Variants in GOLGA3 observed in about 807,000 individuals in gnomAD.
GOLGA3 encodes golgin A3.
In GOLGA3, 75 loss-of-function variants were observed where a neutral mutation model predicts 169.4. The observed-to-expected ratio is 0.44, with a 90% confidence interval of 0.37 to 0.54. GOLGA3 has a LOEUF of 0.54. Among genes scored for constraint, GOLGA3 ranks in the 20% least tolerant of loss-of-function variants. The pLI, the probability that GOLGA3 is intolerant of heterozygous loss-of-function variation, is 0.00. For missense variants in GOLGA3, 1,899 were observed against 1,930.0 expected (o/e 0.98, Z 0.30); for synonymous variants, 824 against 822.4 (o/e 1.00, Z -0.03).
At chr12:132,815,716 T>C (rs114102339) in intron 3 of GOLGA3, among the ~76,000 whole-genome samples, 4 of 151,614 alleles carry the variant, frequency 2.6e-5, no homozygotes, top group African/African-American at 9.7e-5. Flanking sequence ...GGAAACATGG[T>C]GAGACCCCGT....
At chr12:132,787,429 C>A (rs2045955025) in intron 13 of GOLGA3, among the ~76,000 whole-genome samples, 1 of 149,672 alleles carries the variant, frequency 6.7e-6, no homozygotes, top group Non-Finnish European at 1.5e-5. Flanking sequence ...GGCCTAGGAC[C>A]CCTCCTCAAG....
At chr12:132,807,036 A>G (rs1398091458) in intron 6 of GOLGA3, 141 bp downstream of exon 6, 1 of 563,616 alleles carries the variant, frequency 1.8e-6, no homozygotes, top group Non-Finnish European at 3.2e-6. Flanking sequence ...CAAAAAACGT[A>G]AAGATGCAGA....
At chr12:132,806,126 C>T (rs1349679556) in intron 6 of GOLGA3, among the ~76,000 whole-genome samples, 4 of 152,188 alleles carry the variant, frequency 2.6e-5, no homozygotes, top group East Asian at 1.9e-4. Flanking sequence ...CAACAAACAC[C>T]CAAAGCAATT....
intron 9 of GOLGA3, 21 bp downstream of exon 9, chr12:132,798,319 C>T (rs77330849): frequency 0.12 from 190,022 of 1,588,174 alleles, 12,396 homozygotes; most frequent in East Asian, 0.14. Flanking sequence ...TAAGCTTCCA[C>T]GGCCCCGGCC....
intron 18 of GOLGA3, among the ~76,000 whole-genome samples, chr12:132,778,549 C>T (rs538722190): frequency 2.0e-5 from 3 of 149,478 alleles, no homozygotes; most frequent in South Asian, 4.3e-4. Context: ...CCGGCCTGGG[C>T]GACAGAGCGA....
chr12:132,809,665 C>T (rs1479451354), intron 4 of GOLGA3, among the ~76,000 whole-genome samples: 1 of 152,184 alleles, frequency 6.6e-6, no homozygotes, highest in Non-Finnish European at 1.5e-5. Context: ...GCTCCTATCT[C>T]TGTATGGCCT....
In GOLGA3 at chr12:132,780,841, G is replaced by T; in HGVS notation, c.3539C>A (p.Ser1180Ter). 6.2e-7 allele frequency: 1 copy of T among 1,612,258 alleles called. No homozygotes were observed. ...CACCTTCTCCTTCTCCTTCTCTAGT[G>T]AGGCCTGCAGGGCCTGGACAAGATG... is the stretch of plus-strand genomic sequence containing the variant. ...MKHLVQALQA[S>*]LEKEKEKVNS... Residue 1180 changes from serine to a stop codon, truncating the protein, a stop_gained, in exon 18 of 24, where the codon TCA (serine) becomes TAA (stop). Coordinates refer to ENST00000450791, the MANE Select transcript of GOLGA3 (RefSeq NM_001389683.1). LOFTEE classifies it high-confidence loss of function.
At chr12:132,826,630 G>C (rs754948212) in intron 1 of GOLGA3, among the ~76,000 whole-genome samples, 2 of 152,080 alleles carry the variant, frequency 1.3e-5, no homozygotes, top group East Asian at 1.9e-4. Context: ...TCACAAAGAC[G>C]GCCCCTCTTT....
rs1007492858 is a variant in GOLGA3 at position 132,769,171 on chromosome 12, G to A, written c.*3934C>T. 14 of 152,174 alleles carry A rather than the reference G, an allele frequency of 9.2e-5. No homozygotes were observed. The highest frequency in any genetic ancestry group is 3.1e-4 in the African/African-American group (13 of 41,440). The allele number at this position is 152,174 out of a possible 1,614,324, so 9.4% of individuals were successfully genotyped here. A position where few individuals can be genotyped will look rare whatever the true frequency, so the allele number is the denominator to read the frequency against. On this transcript the variant is annotated 3_prime_UTR_variant, in exon 24 of 24. Transcript: ENST00000450791. The stretch of plus-strand genomic sequence containing the variant: ...GTGAGAGCCTGAGATCACTTATGAC[G>A]AGATTCACCTGGACCTTCCGGTCAG...
chr12:132,820,137 T>C (rs1005543585), intron 2 of GOLGA3, among the ~76,000 whole-genome samples: 5 of 151,942 alleles, frequency 3.3e-5, no homozygotes, highest in Admixed American at 6.5e-5. Flanking sequence ...GATCGCACCA[T>C]TGCACTACAG....
At chr12:132,807,318 G>GATGTCAGT in intron 5 of GOLGA3, 30 bp from the exon 6 acceptor site, 2 of 1,284,124 alleles carry the variant, frequency 1.6e-6, no homozygotes. Context: ...TCAGGCCTGT[G>GATGTCAGT]CGAGCCATCC....
intron 6 of GOLGA3, among the ~76,000 whole-genome samples, chr12:132,805,774 C>A (rs977557420): frequency 3.9e-5 from 6 of 152,270 alleles, no homozygotes; most frequent in Admixed American, 3.9e-4. Flanking sequence ...GGGAAGCACC[C>A]GTCTCCTGCG....
Position 132,826,007 on chromosome 12 carries a change from G to A in GOLGA3, c.-184+2796C>T, listed in dbSNP as rs528188706. 4.0e-4 allele frequency: 458 copies of A among 1,149,970 alleles called. No homozygotes were observed. In the African/African-American group the frequency reaches 6.3e-3, roughly 16 times the overall value. 71.2% of individuals were successfully genotyped at this position (1,149,970 alleles called of 1,614,324 possible). On this transcript the variant is annotated intron_variant, in intron 1 of 23. Transcript: ENST00000450791. ...CTACATCCGCAAGTACAACCACTTC[G>A]AGAAGCACCACAAGAACATGTCTGT...
rs774469254 is a variant in GOLGA3 at position 132,808,203 on chromosome 12, A to G, written c.866T>C (p.Leu289Pro). 6.2e-7 allele frequency: 1 copy of G among 1,613,668 alleles called. No individual in the cohort carries two copies. Among genetic ancestry groups the G allele is most frequent in the South Asian group, 1.1e-5 (1 of 91,080 alleles). The stretch of plus-strand genomic sequence containing the variant: ...CAGACGGTCGTCAGTGTCGGGGGAC[A>G]GGCTGATCTCAGACACAACGGACGC... Reference protein sequence around the residue: ...SAASVVSEISLSPDTDDRLEN... With the variant: ...SAASVVSEISPSPDTDDRLEN... The change falls in exon 5 of 24, where the codon CTG becomes CCG. Residue 289 changes from leucine (L) to proline (P), a missense_variant. Leu to Pro is a moderately conservative substitution (Grantham distance 98, BLOSUM62 -3). Coordinates refer to ENST00000450791, the MANE Select transcript of GOLGA3 (RefSeq NM_001389683.1).
At chr12:132,803,261 T>A (rs1207560614) in intron 7 of GOLGA3, among the ~76,000 whole-genome samples, 1 of 152,210 alleles carries the variant, frequency 6.6e-6, no homozygotes, top group Non-Finnish European at 1.5e-5. Context: ...ATGACTCACG[T>A]ACTCTGCTGC....
chr12:132,822,297 C>A lies in GOLGA3; in HGVS notation c.-169G>T. On this transcript the variant is annotated 5_prime_UTR_variant, in exon 2 of 24. Coordinates refer to ENST00000450791, the MANE Select transcript of GOLGA3 (RefSeq NM_001389683.1). Reference sequence around the variant, plus strand: ...CACAAATGACTTGATGTCAAACCAGCTAATATCATGATACCTGACAGGAGA... The same window carrying A: ...CACAAATGACTTGATGTCAAACCAGATAATATCATGATACCTGACAGGAGA... The A allele has an allele frequency of 1.5e-6, 2 of 1,365,114 alleles. No individual in the cohort carries two copies. The highest frequency in any genetic ancestry group is 1.9e-6 in the Non-Finnish European group (2 of 1,063,926). The allele number at this position is 1,365,114 out of a possible 1,614,324, so 84.6% of individuals were successfully genotyped here. A position where few individuals can be genotyped will look rare whatever the true frequency, so the allele number is the denominator to read the frequency against.
At chr12:132,773,443 GTT>G in intron 23 of GOLGA3, 149 bp from the exon 24 acceptor site, 3 of 448,128 alleles carry the variant, frequency 6.7e-6, no homozygotes, top group South Asian at 4.7e-5. Context: ...AAGCTCAGCT[GTT>G]CTCAGCACCG....
Position 132,826,420 on chromosome 12 carries a change from G to A in GOLGA3, c.-184+2383C>T, listed in dbSNP as rs142740983. 6.1e-4 allele frequency among the ~76,000 whole-genome samples: 93 copies of A among 152,078 alleles called. No individual in the cohort carries two copies. The East Asian group carries it at 0.015, about 25-fold the overall frequency. ...AACTGCTGCAGAGGCCCACAGTGACGACGCCTGGGCCTTACACTGACCAAG... is the reference window on the plus strand; with the variant it reads ...AACTGCTGCAGAGGCCCACAGTGACAACGCCTGGGCCTTACACTGACCAAG... On this transcript the variant is annotated intron_variant, in intron 1 of 23. Transcript: ENST00000450791.
Position 132,780,794 on chromosome 12 carries a change from G to T in GOLGA3, c.3582+4C>A. On this transcript the variant is annotated splice_donor_region_variant and intron_variant, in intron 18 of 23. Transcript: ENST00000450791. ...CGCCCTGTGAGACGGAAGGTGGCAC[G>T]CACCTGCTCCTTGAGGCTGTTCACC... 1 of 1,576,852 alleles carries T rather than the reference G, an allele frequency of 6.3e-7. No individual in the cohort carries two copies.
Sources: allele counts gnomAD v4.1 joint callset (sites outside exome capture counted in the v4.1 genomes callset), GRCh38; gene constraint gnomAD v4.1.1; transcripts MANE v1.5; gene names NCBI Gene and HGNC (gene_info 2026-07-23, HGNC 2026-07-21).